The following GDAP1 variants were observed in gnomAD, a reference collection of about 807,000 sequenced individuals.
The protein encoded by GDAP1 is ganglioside induced differentiation associated protein 1, also known as ganglioside-induced differentiation-associated protein 1.
GDAP1 carries 34 observed loss-of-function variants against 40.1 expected under a neutral mutation model. The ratio of observed to expected loss-of-function variants is 0.85; its 90% CI spans 0.64 to 1.13. The LOEUF (loss-of-function observed/expected upper bound fraction) is 1.13, where lower values mean the gene tolerates loss of function less well. GDAP1 is among the 50% of genes most tolerant of loss of function. GDAP1 has a pLI of 0.00. For synonymous variants in GDAP1, 170 were observed against 157.4 expected, an observed-to-expected ratio of 1.08 and a Z score of -0.60; for missense variants, 374 against 433.7, an observed-to-expected ratio of 0.86 and a Z score of 1.22.
intron 2 of GDAP1, among the ~76,000 whole-genome samples, chr8:74,454,978 A>G (rs1421467738): frequency 3.9e-5 from 6 of 151,966 alleles, no homozygotes; most frequent in Non-Finnish European, 8.8e-5. Flanking sequence ...TGAATATTAG[A>G]GAGTTTGTGC....
At chr8:74,407,309 G>A (rs1222251069) in intron 2 of GDAP1, among the ~76,000 whole-genome samples, 1 of 149,748 alleles carries the variant, frequency 6.7e-6, no homozygotes, top group Non-Finnish European at 1.5e-5. Flanking sequence ...TCGAAGTATT[G>A]TTTCTGGCTA....
At chr8:74,369,944 C>T (rs988867383), downstream of GDAP1, among the ~76,000 whole-genome samples, 1 of 152,100 alleles carries the variant, frequency 6.6e-6, no homozygotes, top group Non-Finnish European at 1.5e-5. Flanking sequence ...TGAGGGAATC[C>T]TGCCAATTCA....
At chr8:74,422,034 A>G (rs968538619) in intron 2 of GDAP1, among the ~76,000 whole-genome samples, 37 of 152,144 alleles carry the variant, frequency 2.4e-4, no homozygotes, top group Admixed American at 8.5e-4. Flanking sequence ...GGTAGAATCC[A>G]TTTAAGGAGA....
At chr8:74,408,002 A>G (rs1221764823) in intron 2 of GDAP1, among the ~76,000 whole-genome samples, 1 of 150,108 alleles carries the variant, frequency 6.7e-6, no homozygotes, top group Non-Finnish European at 1.5e-5. Context: ...AACTTTTCAG[A>G]ATCAAATGAA....
At chr8:74,375,156 G>A (rs1809830563) in intron 2 of GDAP1, among the ~76,000 whole-genome samples, 2 of 152,038 alleles carry the variant, frequency 1.3e-5, no homozygotes, top group Admixed American at 1.3e-4. Flanking sequence ...GTGAAACTCT[G>A]TCTCTACTAA....
At chr8:74,356,241 C>G (rs1809086399) in intron 2 of GDAP1, among the ~76,000 whole-genome samples, 1 of 152,042 alleles carries the variant, frequency 6.6e-6, no homozygotes, top group African/African-American at 2.4e-5. Flanking sequence ...AACTTTTCTT[C>G]TCTTTGTGAT....
At chr8:74,370,490 A>G (rs1809729368), downstream of GDAP1, among the ~76,000 whole-genome samples, 1 of 152,246 alleles carries the variant, frequency 6.6e-6, no homozygotes, top group Admixed American at 6.5e-5. Flanking sequence ...TCTGATAAGA[A>G]CACGTTGTTA....
intron 2 of GDAP1, among the ~76,000 whole-genome samples, chr8:74,374,329 A>G (rs1809810940): frequency 6.6e-6 from 1 of 152,014 alleles, no homozygotes; most frequent in Admixed American, 6.5e-5. Flanking sequence ...TTCAGAAGGA[A>G]TGGTACCAGC....
At chr8:74,404,492 C>T (rs1274446821) in intron 2 of GDAP1, among the ~76,000 whole-genome samples, 1 of 149,532 alleles carries the variant, frequency 6.7e-6, no homozygotes, top group East Asian at 1.9e-4. Context: ...AAGTTATTCT[C>T]ATTTTAAGAA....
chr8:74,399,957 G>A (rs1399286634), intron 2 of GDAP1, among the ~76,000 whole-genome samples: 1 of 142,500 alleles, frequency 7.0e-6, no homozygotes, highest in East Asian at 2.0e-4. Context: ...GCTGAGGAGA[G>A]CTTTACTTCC....
At chr8:74,477,954 A>G (rs1041020701) in intron 2 of GDAP1, among the ~76,000 whole-genome samples, 3 of 152,136 alleles carry the variant, frequency 2.0e-5, no homozygotes, top group Non-Finnish European at 4.4e-5. Flanking sequence ...TGGTGGTGTT[A>G]GGATAGAGGC....
At chr8:74,463,432 G>A (rs1008268410) in intron 2 of GDAP1, among the ~76,000 whole-genome samples, 5 of 149,228 alleles carry the variant, frequency 3.4e-5, no homozygotes, top group Non-Finnish European at 5.9e-5. Context: ...CTGCACTCCA[G>A]CTTGGGTGAC....
At chr8:74,391,718 G>A (rs1467775414) in intron 2 of GDAP1, among the ~76,000 whole-genome samples, 1 of 151,916 alleles carries the variant, frequency 6.6e-6, no homozygotes, top group African/African-American at 2.4e-5. Flanking sequence ...GTTAATTTTG[G>A]CATCACTTGT....
chr8:74,361,972 A>C lies in GDAP1; in HGVS notation c.573A>C (p.Arg191=). 1.3e-6 allele frequency: 2 copies of C among 1,571,530 alleles called. No individual in the cohort carries two copies. Among genetic ancestry groups the C allele is most frequent in the East Asian group, 2.2e-5 (1 of 44,694 alleles). The change falls in exon 4 of 6, where the codon CGA becomes CGC. Residue 191 remains arginine (R), a synonymous_variant. Transcript: ENST00000220822. ...AAGCATACATTGCAAAACAGAAACG[A>C]CTTAAAGTAAGCCAATCAGCTGTCC... The part of the protein sequence containing the change: ...LQEAYIAKQK[R]LKSKLLDHDN...
intron 2 of GDAP1, among the ~76,000 whole-genome samples, chr8:74,374,353 T>C (rs1809811647): frequency 6.6e-6 from 1 of 152,170 alleles, no homozygotes; most frequent in African/African-American, 2.4e-5. Context: ...TCCTTGTACC[T>C]CCGGTAGAAT....
chr8:74,429,885 A>G (rs1806004551), intron 2 of GDAP1, among the ~76,000 whole-genome samples: 1 of 152,174 alleles, frequency 6.6e-6, no homozygotes. Flanking sequence ...TTATGTATCA[A>G]GGAACATGAT....
chr8:74,393,159 T>C (rs1810138225), intron 2 of GDAP1, among the ~76,000 whole-genome samples: 1 of 152,240 alleles, frequency 6.6e-6, no homozygotes, highest in Non-Finnish European at 1.5e-5. Flanking sequence ...GAATTTATTA[T>C]AGCACATACT....
chr8:74,436,254 C>G (rs1265135809), intron 2 of GDAP1, among the ~76,000 whole-genome samples: 1 of 152,152 alleles, frequency 6.6e-6, no homozygotes, highest in East Asian at 1.9e-4. Context: ...TCGACCCAAG[C>G]TGGACCAATG....
At chr8:74,358,826 A>G (rs1809223404) in intron 2 of GDAP1, among the ~76,000 whole-genome samples, 1 of 152,194 alleles carries the variant, frequency 6.6e-6, no homozygotes, top group Non-Finnish European at 1.5e-5. Context: ...TTGTATCTCT[A>G]TTTAAAGGAA....
Sources: allele counts gnomAD v4.1 joint callset (sites outside exome capture counted in the v4.1 genomes callset), GRCh38; gene constraint gnomAD v4.1.1; transcripts MANE v1.5; gene names NCBI Gene and HGNC (gene_info 2026-07-23, HGNC 2026-07-21).